The following MGST1 variants were observed in gnomAD, a reference collection of about 807,000 sequenced individuals.
MGST1 encodes the protein microsomal glutathione S-transferase 1, also known as glutathione S-transferase 12.
Under a neutral mutation model 8.9 loss-of-function variants are expected in MGST1, and 5 were observed. The ratio of observed to expected loss-of-function variants is 0.56; its 90% CI spans 0.29 to 1.19. The LOEUF (loss-of-function observed/expected upper bound fraction) is 1.19. Among genes scored for constraint, MGST1 ranks in the 50% most tolerant of loss-of-function variants. The pLI, the probability that MGST1 is intolerant of heterozygous loss-of-function variation, is 0.08. For missense variants in MGST1, 182 were observed against 187.4 expected (o/e 0.97, Z 0.17); for synonymous variants, 54 against 67.8 (o/e 0.80, Z 1.00).
chr12:16,368,694 A>T (rs1940236076), downstream of MGST1, among the ~76,000 whole-genome samples: 1 of 152,136 alleles, frequency 6.6e-6, no homozygotes, highest in Non-Finnish European at 1.5e-5. Context: ...AAGATTGTGG[A>T]TGAGCTATAG....
At chr12:16,580,950 CAG>C (rs2137534673) in intron 4 of MGST1, among the ~76,000 whole-genome samples, 1 of 152,280 alleles carries the variant, frequency 6.6e-6, no homozygotes, top group East Asian at 1.9e-4. Flanking sequence ...ATATACAACA[CAG>C]ACATTCAGTC....
rs1187214894 is a variant in MGST1, at chr12:16,513,045, A to C, written n.483-76483A>C. On this transcript the variant is annotated intron_variant and non_coding_transcript_variant, in intron 4 of 4. Coordinates refer to the MGST1 transcript ENST00000538857. This position sits in a 1 kb window ranked among gnomAD's most constrained non-coding sequence, Gnocchi z 4.2. ...TAATCTACTTTTCCTCCCAGTGTAC[A>C]AATAAAGATTAAAATTCTGCATATC... Among the ~76,000 whole-genome samples, 1 of 152,242 alleles carries C rather than the reference A, an allele frequency of 6.6e-6. No homozygotes were observed. Among genetic ancestry groups the C allele is most frequent in the Non-Finnish European group, 1.5e-5 (1 of 68,040 alleles).
chr12:16,422,642 A>C (rs1407817837), intron 1 of MGST1, among the ~76,000 whole-genome samples: 4 of 152,152 alleles, frequency 2.6e-5, no homozygotes, highest in Non-Finnish European at 4.4e-5. Flanking sequence ...AGATTTCTGC[A>C]CACATAGTCA....
At chr12:16,473,656 A>G (rs912754430) in intron 4 of MGST1, among the ~76,000 whole-genome samples, 1 of 152,032 alleles carries the variant, frequency 6.6e-6, no homozygotes, top group Non-Finnish European at 1.5e-5. Context: ...ACCATTCTTG[A>G]CTGTGCTGTT....
chr12:16,507,158 A>G (rs1941543235), intron 4 of MGST1, among the ~76,000 whole-genome samples: 1 of 152,204 alleles, frequency 6.6e-6, no homozygotes, highest in Non-Finnish European at 1.5e-5. Flanking sequence ...AGATAGAGAA[A>G]GAGGTAAGGA....
chr12:16,538,257 A>G (rs943301368), intron 4 of MGST1, among the ~76,000 whole-genome samples: 13 of 152,122 alleles, frequency 8.5e-5, no homozygotes, highest in Admixed American at 7.9e-4. Context: ...CCTCATCTCC[A>G]TCTGAGACCA....
At position 16,410,008 on chromosome 12, in the gene MGST1, C is replaced by T. The variant is rs749660145; in HGVS notation, n.778+26404C>T. Among the ~76,000 whole-genome samples the T allele has an allele frequency of 5.9e-5, 9 of 152,110 alleles. No individual in the cohort carries two copies. The highest frequency in any genetic ancestry group is 1.2e-4 in the African/African-American group (5 of 41,410). On this transcript the variant is annotated intron_variant and non_coding_transcript_variant, in intron 1 of 1. Transcript: ENST00000359720. The surrounding 1 kb of genome is among the most constrained non-coding windows in gnomAD (Gnocchi z 4.4). ...TCCCTCCTCCCTCGTGAGTTCTCAG[C>T]GCCAAAGTAAATTTTCTTGTATCCT...
At chr12:16,558,061 A>G in intron 4 of MGST1, among the ~76,000 whole-genome samples, 1 of 152,120 alleles carries the variant, frequency 6.6e-6, no homozygotes. Flanking sequence ...AAAGCTTAAA[A>G]TATCTTAAAA....
In MGST1 at chr12:16,582,100, C is replaced by A. The variant is rs185492011; in HGVS notation, n.483-7428C>A. ...TAATGGAAATTACTTTAGTATTTAG[C>A]TGTTTTATAAATTTGCAGTTAGGTT... On this transcript the variant is annotated intron_variant and non_coding_transcript_variant, in intron 4 of 4. Coordinates refer to the MGST1 transcript ENST00000538857. The surrounding 1 kb of genome is among the most constrained non-coding windows in gnomAD (Gnocchi z 4.1). 6.6e-6 allele frequency among the ~76,000 whole-genome samples: 1 copy of A among 152,118 alleles called. No homozygotes were observed. The highest frequency in any genetic ancestry group is 1.9e-4 in the East Asian group (1 of 5,174).
intron 4 of MGST1, among the ~76,000 whole-genome samples, chr12:16,463,053 G>T (rs1368892053): frequency 6.6e-6 from 1 of 152,078 alleles, no homozygotes; most frequent in Non-Finnish European, 1.5e-5. Context: ...AAGGGTAGTT[G>T]AGCAACACTT....
intron 4 of MGST1, among the ~76,000 whole-genome samples, chr12:16,471,273 G>GA (rs1173877077): frequency 6.6e-6 from 1 of 152,124 alleles, no homozygotes; most frequent in Non-Finnish European, 1.5e-5. Flanking sequence ...GGCCAACATT[G>GA]AAGACAATGG....
chr12:16,432,321 A>G (rs984353559), intron 1 of MGST1, among the ~76,000 whole-genome samples: 1 of 152,124 alleles, frequency 6.6e-6, no homozygotes, highest in East Asian at 1.9e-4. Context: ...TTCCACCACA[A>G]TCTCTTTGAA....
At chr12:16,449,787 A>G (rs1311521791) in intron 4 of MGST1, among the ~76,000 whole-genome samples, 3 of 151,878 alleles carry the variant, frequency 2.0e-5, no homozygotes, top group African/African-American at 7.3e-5. Context: ...CTATCCCCCC[A>G]TTCTTCCATT....
chr12:16,428,215 AT>A (rs896304310), intron 1 of MGST1, among the ~76,000 whole-genome samples: 403 of 148,962 alleles, frequency 2.7e-3, no homozygotes, highest in African/African-American at 8.1e-3. Flanking sequence ...ACTTAAAAAT[AT>A]TTTTTTTTTC....
At chr12:16,366,539 G>A (rs149551647), downstream of MGST1, among the ~76,000 whole-genome samples, 933 of 151,870 alleles carry the variant, frequency 6.1e-3, 12 homozygotes, top group African/African-American at 0.021. The surrounding 1 kb of genome is among the most constrained non-coding windows in gnomAD (Gnocchi z 4.0). Context: ...TACTTATGAG[G>A]AATAGGATGG....
At chr12:16,493,412 T>G (rs1224757330) in intron 4 of MGST1, among the ~76,000 whole-genome samples, 1 of 152,064 alleles carries the variant, frequency 6.6e-6, no homozygotes, top group African/African-American at 2.4e-5. Flanking sequence ...TAGGGCCCTA[T>G]CCCATACTTT....
At chr12:16,502,680 C>T (rs1392620784) in intron 4 of MGST1, among the ~76,000 whole-genome samples, 1 of 152,118 alleles carries the variant, frequency 6.6e-6, no homozygotes, top group East Asian at 1.9e-4. Flanking sequence ...AAATGTTTTA[C>T]TAAATGGTTA....
At chr12:16,409,395 C>G (rs774973918) in intron 1 of MGST1, among the ~76,000 whole-genome samples, 9 of 152,042 alleles carry the variant, frequency 5.9e-5, no homozygotes, top group Non-Finnish European at 1.3e-4. Context: ...CACAAAGTAT[C>G]TTTGTACCTG....
chr12:16,369,952 C>G lies in MGST1; in HGVS notation c.222-6170C>G, dbSNP rs951059639. 1 of 152,136 alleles carries G rather than the reference C, an allele frequency of 6.6e-6. No homozygotes were observed. Among genetic ancestry groups the G allele is most frequent in the Non-Finnish European group, 1.5e-5 (1 of 68,048 alleles). 9.4% of individuals were successfully genotyped at this position (152,136 alleles called of 1,614,324 possible). On this transcript the variant is annotated intron_variant, in intron 3 of 3. Coordinates refer to the MGST1 transcript ENST00000535309. This position sits in a 1 kb window ranked among gnomAD's most constrained non-coding sequence, Gnocchi z 4.8. ...ACTCAACCCCCTCAGGGAGATGAAC[C>G]GCAAAGTCACATGGCACAGGGGCAT...
Sources: allele counts gnomAD v4.1 joint callset (sites outside exome capture counted in the v4.1 genomes callset), GRCh38; gene constraint gnomAD v4.1.1; non-coding constraint Gnocchi (gnomAD v3.1); transcripts MANE v1.5; gene names NCBI Gene and HGNC (gene_info 2026-07-23, HGNC 2026-07-21).